Variants in GALNT13 observed in about 807,000 individuals in gnomAD.
The protein encoded by GALNT13 is UDP-GalNAc:polypeptide N-acetylgalactosaminyltransferase 13.
In GALNT13, 28 loss-of-function variants were observed where a neutral mutation model predicts 64.2. The observed-to-expected ratio is 0.44, with a 90% confidence interval of 0.32 to 0.60. The LOEUF (loss-of-function observed/expected upper bound fraction) is 0.60, where lower values mean the gene tolerates loss of function less well. Ranked by LOEUF, GALNT13 falls within the 20% of genes least tolerant of loss-of-function variation. The pLI, the probability that GALNT13 is intolerant of heterozygous loss-of-function variation, is 0.05. For synonymous variants in GALNT13, 214 were observed against 224.6 expected, an observed-to-expected ratio of 0.95 and a Z score of 0.42; for missense variants, 577 against 669.8, an observed-to-expected ratio of 0.86 and a Z score of 1.53.
chr2:153,794,337 T>C, the GALNT13 span, among the ~76,000 whole-genome samples: 1 of 152,156 alleles, frequency 6.6e-6, no homozygotes, highest in Non-Finnish European at 1.5e-5. Context: ...TTAAAATGTC[T>C]CTCTCTCCTA....
chr2:154,049,687 T>G (rs1699480913), intron 3 of GALNT13, among the ~76,000 whole-genome samples: 1 of 151,718 alleles, frequency 6.6e-6, no homozygotes. Context: ...TTCCACATAC[T>G]TAATAGTTAC....
At chr2:153,074,742 T>C in the GALNT13 span, among the ~76,000 whole-genome samples, 1 of 152,196 alleles carries the variant, frequency 6.6e-6, no homozygotes, top group Admixed American at 6.5e-5. Flanking sequence ...ATAGTGATTA[T>C]TGATTATTAT....
intron 3 of GALNT13, among the ~76,000 whole-genome samples, chr2:154,121,175 G>T (rs922860088): frequency 3.3e-5 from 5 of 152,030 alleles, no homozygotes; most frequent in African/African-American, 1.2e-4. Context: ...CTGTTCTATG[G>T]AACATATGGA....
At chr2:153,466,699 T>G in the GALNT13 span, among the ~76,000 whole-genome samples, 2 of 152,078 alleles carry the variant, frequency 1.3e-5, no homozygotes, top group Non-Finnish European at 2.9e-5. Context: ...TGTAGTCTGT[T>G]GATAAGACAC....
At chr2:153,943,641 C>T (rs983047936) in intron 2 of GALNT13, among the ~76,000 whole-genome samples, 3 of 151,834 alleles carry the variant, frequency 2.0e-5, no homozygotes, top group South Asian at 2.1e-4. Context: ...ATTACAGGCA[C>T]GTGCCACCAT....
chr2:154,263,791 T>C (rs1312812361), intron 8 of GALNT13, among the ~76,000 whole-genome samples: 1 of 152,184 alleles, frequency 6.6e-6, no homozygotes, highest in African/African-American at 2.4e-5. Flanking sequence ...GTATGTATCA[T>C]CTAGACTTGG....
chr2:153,905,711 T>A (rs1688514626), intron 2 of GALNT13, among the ~76,000 whole-genome samples: 1 of 152,038 alleles, frequency 6.6e-6, no homozygotes, highest in Admixed American at 6.6e-5. Flanking sequence ...ATTCTTACCA[T>A]AGAGCTTAGC....
At chr2:154,185,725 C>T (rs1327495912) in intron 4 of GALNT13, among the ~76,000 whole-genome samples, 1 of 151,828 alleles carries the variant, frequency 6.6e-6, no homozygotes, top group Non-Finnish European at 1.5e-5. Context: ...TTGAACTTCT[C>T]ATATTGCTCA....
the GALNT13 span, among the ~76,000 whole-genome samples, chr2:153,552,806 A>G: frequency 5.3e-5 from 8 of 152,120 alleles, no homozygotes; most frequent in East Asian, 7.7e-4. Context: ...AAACTGTTCC[A>G]TCTCAGATCA....
At chr2:154,109,782 G>A (rs941238710) in intron 3 of GALNT13, among the ~76,000 whole-genome samples, 7 of 151,780 alleles carry the variant, frequency 4.6e-5, no homozygotes, top group African/African-American at 1.7e-4. Flanking sequence ...TGATGTGTGT[G>A]GGCTGAACCA....
chr2:154,353,401 C>G (rs1302106138), intron 9 of GALNT13, among the ~76,000 whole-genome samples: 1 of 152,086 alleles, frequency 6.6e-6, no homozygotes, highest in East Asian at 1.9e-4. Context: ...TATCCATCAC[C>G]TCACATAGTT....
At chr2:154,022,509 G>T (rs1309373115) in intron 3 of GALNT13, among the ~76,000 whole-genome samples, 3 of 152,076 alleles carry the variant, frequency 2.0e-5, no homozygotes, top group African/African-American at 7.2e-5. Context: ...TTCTCTGACG[G>T]TAGTTTGTAT....
chr2:153,382,815 C>T, the GALNT13 span, among the ~76,000 whole-genome samples: 1 of 151,924 alleles, frequency 6.6e-6, no homozygotes, highest in South Asian at 2.1e-4. Context: ...ATGACAAAAT[C>T]CTGCATAACA....
intron 8 of GALNT13, among the ~76,000 whole-genome samples, chr2:154,291,757 G>A (rs573249199): frequency 9.8e-5 from 15 of 152,378 alleles, no homozygotes; most frequent in East Asian, 1.9e-4. Context: ...ACAGCACAGC[G>A]GCCTGCTGAA....
At chr2:153,406,988 T>C in the GALNT13 span, among the ~76,000 whole-genome samples, 1 of 152,114 alleles carries the variant, frequency 6.6e-6, no homozygotes, top group Admixed American at 6.5e-5. Context: ...ATCTTTTAAG[T>C]GTTCTAATAT....
At chr2:153,814,119 T>A in the GALNT13 span, among the ~76,000 whole-genome samples, 2 of 152,218 alleles carry the variant, frequency 1.3e-5, no homozygotes, top group Non-Finnish European at 2.9e-5. Flanking sequence ...AGTCACCGCA[T>A]CACCGATCAC....
intron 9 of GALNT13, among the ~76,000 whole-genome samples, chr2:154,355,506 G>A (rs1696688774): frequency 6.6e-6 from 1 of 151,986 alleles, no homozygotes; most frequent in South Asian, 2.1e-4. Context: ...ACTAAAATGA[G>A]GAAAGGCATC....
At chr2:154,406,664 T>C (rs966405165) in intron 10 of GALNT13, among the ~76,000 whole-genome samples, 1 of 152,186 alleles carries the variant, frequency 6.6e-6, no homozygotes, top group Non-Finnish European at 1.5e-5. Flanking sequence ...CTTCACTTTA[T>C]CTACCCTTAC....
chr2:153,972,860 G>A (rs1693834345), intron 3 of GALNT13, among the ~76,000 whole-genome samples: 2 of 152,062 alleles, frequency 1.3e-5, no homozygotes, highest in East Asian at 3.9e-4. Context: ...CTCACTGATA[G>A]AATTTGTGTT....
Sources: gnomAD v4.1 joint callset for allele counts (sites outside exome capture counted in the v4.1 genomes callset) on GRCh38, gnomAD v4.1.1 for gene constraint, MANE v1.5 for transcripts, NCBI Gene and HGNC (gene_info 2026-07-23, HGNC 2026-07-21) for gene names.